Variants in TMEM123 observed in about 807,000 individuals in gnomAD.
TMEM123 encodes the protein transmembrane protein 123.
In TMEM123, 16 loss-of-function variants were observed where a neutral mutation model predicts 19.7. That is an observed-to-expected ratio of 0.81 (90% CI 0.55 to 1.23). The LOEUF (loss-of-function observed/expected upper bound fraction) is 1.23, where lower values mean the gene tolerates loss of function less well. TMEM123 is among the 50% of genes most tolerant of loss of function. The pLI is 0.00. For synonymous variants in TMEM123, 118 were observed against 99.4 expected, an observed-to-expected ratio of 1.19 and a Z score of -1.12; for missense variants, 313 against 257.8, an observed-to-expected ratio of 1.21 and a Z score of -1.47.
At chr11:102,425,750 A>G (rs1171516211) in intron 2 of TMEM123, among the ~76,000 whole-genome samples, 2 of 151,282 alleles carry the variant, frequency 1.3e-5, no homozygotes, top group Non-Finnish European at 3.0e-5. Context: ...CACCTAGCTA[A>G]TTTTTGTATT....
At chr11:102,432,228 G>A (rs1467597505) in intron 2 of TMEM123, among the ~76,000 whole-genome samples, 2 of 152,172 alleles carry the variant, frequency 1.3e-5, no homozygotes, top group Non-Finnish European at 2.9e-5. Flanking sequence ...GAACTTCCTA[G>A]AGACTTGGAG....
At chr11:102,421,368 C>A (rs2035349884) in intron 2 of TMEM123, among the ~76,000 whole-genome samples, 1 of 152,124 alleles carries the variant, frequency 6.6e-6, no homozygotes. Context: ...GTATTTGCAA[C>A]CCTGAAAGGC....
intron 2 of TMEM123, among the ~76,000 whole-genome samples, chr11:102,433,567 A>T (rs748288050): frequency 6.6e-6 from 1 of 151,732 alleles, no homozygotes; most frequent in Non-Finnish European, 1.5e-5. Context: ...GAGATTTTGG[A>T]CTTTTGGGTT....
chr11:102,449,726 C>T (rs1047088652), intron 1 of TMEM123, among the ~76,000 whole-genome samples: 4 of 152,184 alleles, frequency 2.6e-5, no homozygotes, highest in African/African-American at 4.8e-5. Context: ...CAACAGACTA[C>T]GTAGATGTAT....
chr11:102,430,251 A>G (rs934871918), intron 2 of TMEM123, among the ~76,000 whole-genome samples: 1 of 152,220 alleles, frequency 6.6e-6, no homozygotes, highest in Non-Finnish European at 1.5e-5. Context: ...TATAGCAAGC[A>G]AAAAACTCAA....
intron 2 of TMEM123, among the ~76,000 whole-genome samples, chr11:102,444,026 C>A (rs1318598478): frequency 6.6e-6 from 1 of 152,114 alleles, no homozygotes; most frequent in Non-Finnish European, 1.5e-5. Flanking sequence ...CAATGGCAAT[C>A]ATTTAAAAAG....
chr11:102,414,507 A>G (rs1952028964), intron 2 of TMEM123, among the ~76,000 whole-genome samples: 1 of 152,246 alleles, frequency 6.6e-6, no homozygotes, highest in African/African-American at 2.4e-5. Flanking sequence ...CTTTCTGCAG[A>G]AACCCTCTAA....
At chr11:102,441,957 T>C (rs960864488) in intron 2 of TMEM123, among the ~76,000 whole-genome samples, 1 of 152,064 alleles carries the variant, frequency 6.6e-6, no homozygotes, top group African/African-American at 2.4e-5. Flanking sequence ...CTAGAAGAAA[T>C]GGATAAATTC....
At chr11:102,440,083 T>C (rs887434537) in intron 2 of TMEM123, among the ~76,000 whole-genome samples, 3 of 152,214 alleles carry the variant, frequency 2.0e-5, no homozygotes, top group African/African-American at 7.2e-5. Context: ...TTGGTGTAAC[T>C]GAAAGTGACG....
intron 2 of TMEM123, among the ~76,000 whole-genome samples, chr11:102,418,310 A>C (rs1480066140): frequency 1.3e-5 from 2 of 152,196 alleles, no homozygotes; most frequent in Non-Finnish European, 2.9e-5. Flanking sequence ...TAATATCTAG[A>C]ATCTATAAGA....
In TMEM123 at chr11:102,431,243, A is replaced by G. The variant is rs374797879; in HGVS notation, c.157+17569T>C. On this transcript the variant is annotated intron_variant, in intron 2 of 4. Coordinates refer to ENST00000398136, the MANE Select transcript of TMEM123 (RefSeq NM_052932.3). Reference sequence around the variant, plus strand: ...TACACAATGTGGAATCGCTAAATAAATATAGGCATTACCTCACATACTTAT... The same window carrying G: ...TACACAATGTGGAATCGCTAAATAAGTATAGGCATTACCTCACATACTTAT... Among the ~76,000 whole-genome samples the G allele has an allele frequency of 2.0e-5, 3 of 152,372 alleles. No homozygotes were observed. In the South Asian group the frequency reaches 6.2e-4, roughly 32 times the overall value.
At chr11:102,443,436 G>C (rs1164388068) in intron 2 of TMEM123, among the ~76,000 whole-genome samples, 1 of 152,094 alleles carries the variant, frequency 6.6e-6, no homozygotes, top group Non-Finnish European at 1.5e-5. Context: ...ACAAAAACAA[G>C]AAATGAGGAA....
chr11:102,401,503 AT>A (rs769082767), intron 4 of TMEM123, 35 bp downstream of exon 4: 9 of 1,518,044 alleles, frequency 5.9e-6, no homozygotes, highest in Admixed American at 4.9e-5. Flanking sequence ...TGCACCAACA[AT>A]TTTTTTTAAA....
In TMEM123 at chr11:102,401,954, T is replaced by C. The variant is rs201878337; in HGVS notation, c.410A>G (p.His137Arg). 4.0e-5 allele frequency: 64 copies of C among 1,614,076 alleles called. No individual in the cohort carries two copies. In the African/African-American group the frequency reaches 6.3e-4, roughly 16 times the overall value. Residue 137 changes from histidine (H) to arginine (R), a missense_variant, in exon 3 of 5, where the codon CAC (histidine) becomes CGC (arginine). Coordinates refer to ENST00000398136, the MANE Select transcript of TMEM123 (RefSeq NM_052932.3). ...AGCAGCAGATGTCACTGAACTATTGTGGGTTACGGTCATTGTGGATGTTGA... is the reference window on the plus strand; with the variant it reads ...AGCAGCAGATGTCACTGAACTATTGCGGGTTACGGTCATTGTGGATGTTGA... ...QISTSTMTVT[H>R]NSSVTSAASS... is the part of the protein sequence containing the mutation.
intron 2 of TMEM123, chr11:102,448,491 G>T: frequency 3.0e-6 from 1 of 334,584 alleles, no homozygotes; most frequent in Non-Finnish European, 5.8e-6. Context: ...AGACTTCTGT[G>T]CTGACATTTC....
chr11:102,439,534 C>G (rs1857801575), intron 2 of TMEM123, among the ~76,000 whole-genome samples: 1 of 152,078 alleles, frequency 6.6e-6, no homozygotes, highest in African/African-American at 2.4e-5. Context: ...ACACCAAAAC[C>G]CCATCTGTAC....
At chr11:102,450,596 T>G (rs533049222) in intron 1 of TMEM123, among the ~76,000 whole-genome samples, 2 of 152,390 alleles carry the variant, frequency 1.3e-5, no homozygotes, top group African/African-American at 4.8e-5. Flanking sequence ...ATGGTAATAC[T>G]GTGGAATAAA....
At chr11:102,444,431 A>C (rs1439564563) in intron 2 of TMEM123, among the ~76,000 whole-genome samples, 1 of 151,950 alleles carries the variant, frequency 6.6e-6, no homozygotes, top group Non-Finnish European at 1.5e-5. Context: ...CATTCTCAGC[A>C]AACTACGGCA....
At chr11:102,441,343 C>T (rs932461705) in intron 2 of TMEM123, among the ~76,000 whole-genome samples, 1 of 152,204 alleles carries the variant, frequency 6.6e-6, no homozygotes, top group African/African-American at 2.4e-5. Context: ...AACAAACTGT[C>T]TCTCGGACCA....
Sources: allele counts gnomAD v4.1 joint callset (sites outside exome capture counted in the v4.1 genomes callset), GRCh38; gene constraint gnomAD v4.1.1; transcripts MANE v1.5; gene names NCBI Gene and HGNC (gene_info 2026-07-23, HGNC 2026-07-21).